C7orf33: variants seen among roughly 807,000 people sequenced by gnomAD.
C7orf33 encodes uncharacterized protein C7orf33.
Under a neutral mutation model 13.4 loss-of-function variants are expected in C7orf33, and 15 were observed. The observed-to-expected ratio is 1.12, with a 90% CI of 0.75 to 1.72. The LOEUF (loss-of-function observed/expected upper bound fraction) is 1.72, where lower values mean the gene tolerates loss of function less well. C7orf33 is among the 40% of genes most tolerant of loss of function. C7orf33 has a pLI of 0.00. For missense variants in C7orf33, 187 were observed against 220.3 expected, an observed-to-expected ratio of 0.85 and a Z score of 0.96; for synonymous variants, 73 against 83.2, an observed-to-expected ratio of 0.88 and a Z score of 0.67.
At position 148,599,626 on chromosome 7, in the gene C7orf33, C is replaced by T. The variant is rs528347791; in HGVS notation, c.204+8497C>T. Among the ~76,000 whole-genome samples, 7 of 152,116 alleles carry T rather than the reference C, an allele frequency of 4.6e-5. No individual in the cohort carries two copies. The South Asian group carries it at 1.2e-3, about 27-fold the overall frequency. On this transcript the variant is annotated intron_variant, in intron 1 of 2. Coordinates refer to ENST00000307003, the MANE Select transcript of C7orf33 (RefSeq NM_145304.4). ...AGTAGCTGGAATTACAGGTGCGCAC[C>T]ATCACGTCCTGCTAATTTTTGTATT...
chr7:148,613,498 G>T (rs1363405830), intron 1 of C7orf33, among the ~76,000 whole-genome samples: 1 of 152,238 alleles, frequency 6.6e-6, no homozygotes, highest in Non-Finnish European at 1.5e-5. Context: ...AAGGAATGAA[G>T]TTCCGATTCA....
At chr7:148,610,182 T>C (rs1215329352) in intron 1 of C7orf33, among the ~76,000 whole-genome samples, 1 of 152,172 alleles carries the variant, frequency 6.6e-6, no homozygotes, top group African/African-American at 2.4e-5. Context: ...AAGACTTCTG[T>C]GATGGTTAAT....
chr7:148,595,216 T>C (rs1585453722), intron 1 of C7orf33, among the ~76,000 whole-genome samples: 1 of 145,700 alleles, frequency 6.9e-6, no homozygotes, highest in African/African-American at 2.5e-5. Context: ...TTATATAATA[T>C]CTATATTATA....
At chr7:148,612,611 A>G (rs1483981492) in intron 1 of C7orf33, among the ~76,000 whole-genome samples, 3 of 152,182 alleles carry the variant, frequency 2.0e-5, no homozygotes, top group Non-Finnish European at 4.4e-5. Flanking sequence ...AAAGATTACA[A>G]ATAGCCAATG....
chr7:148,595,898 C>T (rs977045538), intron 1 of C7orf33, among the ~76,000 whole-genome samples: 40 of 151,078 alleles, frequency 2.6e-4, no homozygotes, highest in African/African-American at 4.4e-4. Flanking sequence ...CAGGTCATAA[C>T]CATTAAATTT....
intron 1 of C7orf33, among the ~76,000 whole-genome samples, chr7:148,605,529 A>G: frequency 6.6e-6 from 1 of 152,204 alleles, no homozygotes; most frequent in East Asian, 1.9e-4. Context: ...TCATCCTAGC[A>G]ATGCTTCTTC....
At chr7:148,614,320 C>T (rs368502957) in intron 2 of C7orf33, 24 bp downstream of exon 2, 95 of 1,599,664 alleles carry the variant, frequency 5.9e-5, no homozygotes, top group Non-Finnish European at 7.3e-5. Flanking sequence ...TGTCTTAGCA[C>T]CTCCAAGTTT....
At chr7:148,607,420 G>A (rs36028645) in intron 1 of C7orf33, among the ~76,000 whole-genome samples, 61,388 of 152,020 alleles carry the variant, frequency 0.4, 16,130 homozygotes, top group African/African-American at 0.75. Context: ...TCTTCAGCTC[G>A]ACAATCCTCC....
At chr7:148,615,179 T>C (rs2116906429) in intron 2 of C7orf33, 148 bp from the exon 3 acceptor site, 1 of 544,602 alleles carries the variant, frequency 1.8e-6, no homozygotes, top group South Asian at 2.2e-5. Flanking sequence ...GCTCAAGCGA[T>C]CCACCCACCT....
intron 1 of C7orf33, among the ~76,000 whole-genome samples, chr7:148,601,744 G>T (rs1348633256): frequency 6.6e-6 from 1 of 151,668 alleles, no homozygotes; most frequent in African/African-American, 2.4e-5. Flanking sequence ...GTTTTGTGGG[G>T]TTTTTGTTTT....
intron 1 of C7orf33, among the ~76,000 whole-genome samples, chr7:148,603,203 C>G (rs142115639): frequency 0.018 from 2,677 of 152,236 alleles, 41 homozygotes; most frequent in Non-Finnish European, 0.027. Context: ...ACAAATAAAA[C>G]ATCACACCCA....
intron 1 of C7orf33, among the ~76,000 whole-genome samples, chr7:148,610,185 T>C (rs1003056097): frequency 2.6e-5 from 4 of 152,222 alleles, no homozygotes; most frequent in African/African-American, 9.6e-5. Flanking sequence ...ACTTCTGTGA[T>C]GGTTAATTCT....
Position 148,611,958 on chromosome 7 carries a change from C to T in C7orf33, c.205-2084C>T, listed in dbSNP as rs114019191. ...ATGTGCTGCAGGGGGAATCAGGGAA[C>T]GCTCCCATTTCACTAGCTTTCAGTA... is the stretch of plus-strand genomic sequence containing the variant. On this transcript the variant is annotated intron_variant, in intron 1 of 2. Transcript: ENST00000307003. Among the ~76,000 whole-genome samples the T allele has an allele frequency of 4.3e-3, 659 of 152,346 alleles. 2 individuals are homozygous for T. Among genetic ancestry groups the T allele is most frequent in the African/African-American group, 0.015 (626 of 41,590 alleles).
At chr7:148,610,280 T>A (rs1016464720) in intron 1 of C7orf33, among the ~76,000 whole-genome samples, 1 of 152,094 alleles carries the variant, frequency 6.6e-6, no homozygotes, top group East Asian at 1.9e-4. Context: ...AACTTTTGAG[T>A]CAGTGGGCTG....
At chr7:148,613,573 A>G (rs1796569952) in intron 1 of C7orf33, among the ~76,000 whole-genome samples, 1 of 152,218 alleles carries the variant, frequency 6.6e-6, no homozygotes, top group Admixed American at 6.5e-5. Context: ...ACAAAATACT[A>G]CATGTTTGAT....
chr7:148,601,031 T>C (rs1796407945), intron 1 of C7orf33, among the ~76,000 whole-genome samples: 1 of 152,124 alleles, frequency 6.6e-6, no homozygotes, highest in Non-Finnish European at 1.5e-5. Context: ...CTCGATCTCC[T>C]GACCTCATGA....
intron 1 of C7orf33, among the ~76,000 whole-genome samples, chr7:148,596,429 T>C (rs1304896482): frequency 6.6e-6 from 1 of 152,238 alleles, no homozygotes; most frequent in East Asian, 1.9e-4. Context: ...TACCTGAGAC[T>C]GGGCAATTTA....
Position 148,613,631 on chromosome 7 carries a change from G to A in C7orf33, c.205-411G>A, listed in dbSNP as rs536019561. ...ATTGGCAAATCCATAGAGGTAGAAC[G>A]TAGATTAGTGGTTGCCTGGGGAGAC... On this transcript the variant is annotated intron_variant, in intron 1 of 2. Transcript: ENST00000307003. Among the ~76,000 whole-genome samples the A allele has an allele frequency of 3.3e-5, 5 of 152,290 alleles. No individual in the cohort carries two copies. The East Asian group carries it at 7.7e-4, about 23-fold the overall frequency.
intron 1 of C7orf33, among the ~76,000 whole-genome samples, chr7:148,594,730 T>G (rs866186071): frequency 2.6e-5 from 4 of 152,124 alleles, no homozygotes; most frequent in Admixed American, 1.3e-4. Flanking sequence ...TATGATGAAA[T>G]TCAATATATT....
Sources: gnomAD v4.1 joint callset for allele counts (sites outside exome capture counted in the v4.1 genomes callset) on GRCh38, gnomAD v4.1.1 for gene constraint, MANE v1.5 for transcripts, NCBI Gene and HGNC (gene_info 2026-07-23, HGNC 2026-07-21) for gene names.